ANK2: variants seen among roughly 807,000 people sequenced by gnomAD.
The protein encoded by ANK2 is ankyrin-2.
In ANK2, 83 loss-of-function variants were observed where a neutral mutation model predicts 360.5. The observed-to-expected ratio is 0.23, with a 90% CI of 0.19 to 0.28. The LOEUF is 0.28. Ranked by LOEUF, ANK2 falls within the 10% of genes least tolerant of loss-of-function variation. The pLI, the probability that ANK2 is intolerant of heterozygous loss-of-function variation, is 1.00. For missense variants in ANK2, 4,201 were observed against 4,795.7 expected (o/e 0.88, Z 3.66); for synonymous variants, 1,740 against 1,759.5 (o/e 0.99, Z 0.28).
At chr4:112,835,405 C>T in intron 1 of ANK2, among the ~76,000 whole-genome samples, 1 of 151,948 alleles carries the variant, frequency 6.6e-6, no homozygotes, top group East Asian at 1.9e-4. Context: ...TATATTTTTT[C>T]CAACTGTATT....
At chr4:113,223,835 A>G (rs1188284920) in intron 4 of ANK2, among the ~76,000 whole-genome samples, 1 of 152,210 alleles carries the variant, frequency 6.6e-6, no homozygotes, top group Non-Finnish European at 1.5e-5. Flanking sequence ...TTAGTTGTGC[A>G]GAGTTTCTCA....
At chr4:112,727,548 T>C in the ANK2 span, among the ~76,000 whole-genome samples, 1 of 151,960 alleles carries the variant, frequency 6.6e-6, no homozygotes, top group Non-Finnish European at 1.5e-5. Flanking sequence ...AAAAGATCAA[T>C]GAAACCAAGG....
Position 113,317,781 on chromosome 4 carries a change from A to G in ANK2, c.2768A>G (p.Asp923Gly). ...TACCTGAGGGACAGTGCCGTGATGGATGACTCAGTTGTGATTCCCAGTCAC... is the reference window on the plus strand; with the variant it reads ...TACCTGAGGGACAGTGCCGTGATGGGTGACTCAGTTGTGATTCCCAGTCAC... ...ASYLRDSAVM[D>G]DSVVIPSHQV... The change falls in exon 25 of 46, where the codon GAT becomes GGT. Residue 923 changes from aspartate to glycine, a missense_variant. Asp to Gly is a moderately conservative substitution (Grantham distance 94). Coordinates refer to ENST00000357077, the MANE Select transcript of ANK2 (RefSeq NM_001148.6). 6.2e-7 allele frequency: 1 copy of G among 1,614,038 alleles called. No individual in the cohort carries two copies.
intron 29 of ANK2, among the ~76,000 whole-genome samples, chr4:113,334,259 T>C (rs1390885745): frequency 6.6e-6 from 1 of 152,204 alleles, no homozygotes; most frequent in South Asian, 2.1e-4. Context: ...AATTATGCCC[T>C]CTAGATATGT....
At chr4:113,306,267 G>A (rs1453873147) in intron 23 of ANK2, among the ~76,000 whole-genome samples, 7 of 152,266 alleles carry the variant, frequency 4.6e-5, no homozygotes, top group Middle Eastern at 3.4e-3. Flanking sequence ...TCTCATGAAC[G>A]TGCTAAGAGA....
chr4:113,133,389 G>A (rs1265840375), intron 1 of ANK2, among the ~76,000 whole-genome samples: 2 of 151,992 alleles, frequency 1.3e-5, no homozygotes, highest in African/African-American at 4.8e-5. Flanking sequence ...CTCACAATGG[G>A]GTAGATATTC....
intron 17 of ANK2, among the ~76,000 whole-genome samples, chr4:113,281,639 G>A (rs1048765988): frequency 2.0e-5 from 3 of 152,146 alleles, no homozygotes; most frequent in Non-Finnish European, 4.4e-5. Flanking sequence ...AAAAGCCACT[G>A]TTTTTAATTT....
chr4:112,759,877 T>C, the ANK2 span, among the ~76,000 whole-genome samples: 1 of 152,194 alleles, frequency 6.6e-6, no homozygotes, highest in African/African-American at 2.4e-5. Flanking sequence ...ATAGCTGTAA[T>C]GTCTTTTAAA....
chr4:112,906,742 T>C (rs893196603), intron 2 of ANK2, among the ~76,000 whole-genome samples: 1 of 152,060 alleles, frequency 6.6e-6, no homozygotes, highest in Non-Finnish European at 1.5e-5. Context: ...GAGTAGTTAA[T>C]GAGGATTTGA....
chr4:113,283,707 G>C (rs1440509758), intron 18 of ANK2, among the ~76,000 whole-genome samples: 6 of 152,156 alleles, frequency 3.9e-5, no homozygotes, highest in Non-Finnish European at 8.8e-5. Flanking sequence ...GCCAGCTGCT[G>C]AGAAACACAG....
rs555916670 is a variant in ANK2, at chr4:113,309,058, A to G, written c.2549-2197A>G. On this transcript the variant is annotated intron_variant, in intron 23 of 45. Transcript: ENST00000357077. ...TAGACCAACCTGGGTAATTTTTTTC[A>G]AAGTGATTTTTCACATTCTGTTAAT... 2.0e-5 allele frequency among the ~76,000 whole-genome samples: 3 copies of G among 152,342 alleles called. 1 individual carries two copies. The East Asian group carries it at 5.8e-4, about 29-fold the overall frequency.
At chr4:112,952,685 A>G (rs1479981572) in intron 2 of ANK2, among the ~76,000 whole-genome samples, 1 of 152,218 alleles carries the variant, frequency 6.6e-6, no homozygotes, top group East Asian at 1.9e-4. Context: ...TGTGAAATAT[A>G]TATGCAAAGT....
chr4:113,267,118 T>A (rs1202930569), intron 14 of ANK2, among the ~76,000 whole-genome samples: 1 of 152,230 alleles, frequency 6.6e-6, no homozygotes, highest in African/African-American at 2.4e-5. Flanking sequence ...TCTCGTAAAT[T>A]TGTTTAAGTT....
the ANK2 span, among the ~76,000 whole-genome samples, chr4:112,743,709 A>AT: frequency 6.6e-6 from 1 of 150,982 alleles, no homozygotes; most frequent in Non-Finnish European, 1.5e-5. Context: ...CACCCAGCTA[A>AT]TTTTTTTGTA....
At chr4:112,983,352 T>A (rs1239793070) in intron 2 of ANK2, among the ~76,000 whole-genome samples, 1 of 150,566 alleles carries the variant, frequency 6.6e-6, no homozygotes, top group Non-Finnish European at 1.5e-5. Context: ...TTATCTGAAG[T>A]GTATAGACTT....
At chr4:113,175,579 C>T (rs1015716480) in intron 2 of ANK2, among the ~76,000 whole-genome samples, 8 of 152,166 alleles carry the variant, frequency 5.3e-5, no homozygotes, top group Admixed American at 3.9e-4. Context: ...GTCATAACAG[C>T]CTTCTTACTA....
chr4:112,817,817 C>T (rs2055809379), upstream of ANK2, among the ~76,000 whole-genome samples: 2 of 152,138 alleles, frequency 1.3e-5, no homozygotes, highest in African/African-American at 4.8e-5. Flanking sequence ...ACTCCAGTTA[C>T]TTCCCATATA....
intron 9 of ANK2, among the ~76,000 whole-genome samples, chr4:113,243,498 T>A (rs1563124183): frequency 6.6e-6 from 1 of 152,182 alleles, no homozygotes; most frequent in Non-Finnish European, 1.5e-5. Context: ...AAACTTTTGG[T>A]CCAGAGTGGC....
At chr4:113,005,053 A>T (rs1478910253) in intron 2 of ANK2, among the ~76,000 whole-genome samples, 3 of 152,260 alleles carry the variant, frequency 2.0e-5, no homozygotes, top group Admixed American at 6.5e-5. Context: ...TCAACTACAT[A>T]TGAATCAAGA....
Sources: allele counts gnomAD v4.1 joint callset (sites outside exome capture counted in the v4.1 genomes callset), GRCh38; gene constraint gnomAD v4.1.1; transcripts MANE v1.5; gene names NCBI Gene and HGNC (gene_info 2026-07-23, HGNC 2026-07-21).